WDR4: variants seen among roughly 807,000 people sequenced by gnomAD.
WDR4 encodes the protein WDR4 tRNA N7-guanosine methyltransferase non-catalytic subunit.
Under a neutral mutation model 48.6 loss-of-function variants are expected in WDR4, and 47 were observed. The observed-to-expected ratio is 0.97, with a 90% CI of 0.77 to 1.23. The LOEUF (loss-of-function observed/expected upper bound fraction) is 1.23. Ranked by LOEUF, WDR4 falls within the 50% of genes most tolerant of loss-of-function variation. The pLI is 0.00. For missense variants in WDR4, 606 were observed against 551.6 expected, an observed-to-expected ratio of 1.10 and a Z score of -0.99; for synonymous variants, 268 against 230.0, an observed-to-expected ratio of 1.17 and a Z score of -1.49.
At chr21:42,886,410 T>C in the WDR4 span, among the ~76,000 whole-genome samples, 1 of 152,264 alleles carries the variant, frequency 6.6e-6, no homozygotes, top group African/African-American at 2.4e-5. Flanking sequence ...TAGGCGATTT[T>C]GCTAGTGTAC....
chr21:42,848,333 A>C (rs1040758682), downstream of WDR4, among the ~76,000 whole-genome samples: 63 of 137,954 alleles, frequency 4.6e-4, no homozygotes, highest in Non-Finnish European at 8.4e-4. Flanking sequence ...ACGGTCACGC[A>C]GTGCGCACCT....
chr21:42,865,815 C>A (rs966535858), intron 3 of WDR4, among the ~76,000 whole-genome samples: 2 of 151,952 alleles, frequency 1.3e-5, no homozygotes, highest in Admixed American at 1.3e-4. Context: ...CCAGCAGAAC[C>A]TAGCAAGTAA....
At chr21:42,879,056 T>A (rs914705654) in intron 1 of WDR4, 2 of 1,090,944 alleles carry the variant, frequency 1.8e-6, no homozygotes, top group East Asian at 5.7e-5. Context: ...CCTTGCTGAC[T>A]GGTCAGCGTC....
chr21:42,879,350 G>A (rs2058578600), intron 1 of WDR4, 57 bp downstream of exon 1: 2 of 1,592,644 alleles, frequency 1.3e-6, no homozygotes, highest in Non-Finnish European at 1.7e-6. Flanking sequence ...GGGGTCGCCA[G>A]GACCCGACGC....
intron 1 of WDR4, among the ~76,000 whole-genome samples, chr21:42,877,185 T>C: frequency 7.8e-6 from 1 of 127,704 alleles, no homozygotes; most frequent in South Asian, 2.6e-4. Flanking sequence ...GCTCTATCAC[T>C]CAGGCTGGAG....
intron 1 of WDR4, among the ~76,000 whole-genome samples, chr21:42,878,193 A>G (rs939272811): frequency 6.6e-6 from 1 of 152,200 alleles, no homozygotes; most frequent in Non-Finnish European, 1.5e-5. Flanking sequence ...ACTTACCAAC[A>G]TAAGAATCAC....
intron 2 of WDR4, among the ~76,000 whole-genome samples, chr21:42,876,216 C>CTTTTTTTTTTTT (rs1491253275): frequency 3.3e-4 from 20 of 60,912 alleles, no homozygotes; most frequent in African/African-American, 1.4e-3. Context: ...TAACACTGTA[C>CTTTTTTTTTTTT]TCTTTTTTTT....
At chr21:42,872,431 G>A (rs1473105357) in intron 3 of WDR4, among the ~76,000 whole-genome samples, 2 of 151,694 alleles carry the variant, frequency 1.3e-5, no homozygotes, top group African/African-American at 4.8e-5. Context: ...CCAATGTGGT[G>A]AAACTCTGTC....
At chr21:42,867,026 C>T (rs988964700) in intron 3 of WDR4, among the ~76,000 whole-genome samples, 17 of 152,266 alleles carry the variant, frequency 1.1e-4, no homozygotes, top group African/African-American at 3.9e-4. Flanking sequence ...CATCAAATCA[C>T]ATGGTCCATC....
intron 6 of WDR4, among the ~76,000 whole-genome samples, chr21:42,856,322 G>C (rs370189685): frequency 9.1e-4 from 139 of 152,338 alleles, no homozygotes; most frequent in South Asian, 2.7e-3. Flanking sequence ...GGAACCAAGA[G>C]GCTCCACGCT....
chr21:42,884,244 C>T (rs756945504), upstream of WDR4, among the ~76,000 whole-genome samples: 1 of 152,120 alleles, frequency 6.6e-6, no homozygotes, highest in East Asian at 1.9e-4. Flanking sequence ...TGTGAACATT[C>T]CACTGGGAAT....
intron 3 of WDR4, among the ~76,000 whole-genome samples, chr21:42,868,704 G>A (rs933462913): frequency 1.3e-5 from 2 of 152,230 alleles, no homozygotes; most frequent in South Asian, 4.1e-4. Context: ...GCCACAAGGT[G>A]TCCACTCCAC....
chr21:42,878,559 G>C (rs2058554239), intron 1 of WDR4, among the ~76,000 whole-genome samples: 1 of 152,196 alleles, frequency 6.6e-6, no homozygotes, highest in Non-Finnish European at 1.5e-5. Flanking sequence ...AAAATATACA[G>C]TATATCTGAC....
chr21:42,858,747 T>G (rs2058050257), intron 6 of WDR4, among the ~76,000 whole-genome samples: 1 of 152,118 alleles, frequency 6.6e-6, no homozygotes, highest in South Asian at 2.1e-4. Flanking sequence ...TGGCCACACT[T>G]TTCTTCTTCT....
the WDR4 span, among the ~76,000 whole-genome samples, chr21:42,890,427 T>G: frequency 0.19 from 29,448 of 151,996 alleles, 4,080 homozygotes; most frequent in African/African-American, 0.4. Context: ...TCCCAGCTAC[T>G]CGGGAGGTTG....
At chr21:42,855,495 A>G (rs1335412792) in intron 7 of WDR4, among the ~76,000 whole-genome samples, 187 bp downstream of exon 7, 2 of 152,188 alleles carry the variant, frequency 1.3e-5, no homozygotes, top group Non-Finnish European at 2.9e-5. Flanking sequence ...CAACAGGGAG[A>G]CAAATTATTT....
chr21:42,843,613 G>A (rs1038141887), intron 11 of WDR4, among the ~76,000 whole-genome samples: 21 of 150,792 alleles, frequency 1.4e-4, no homozygotes, highest in Non-Finnish European at 2.8e-4. Flanking sequence ...TTGCTCTGTC[G>A]CCCAGGCTGG....
At chr21:42,879,166 A>G in intron 1 of WDR4, 2 of 1,316,036 alleles carry the variant, frequency 1.5e-6, no homozygotes, top group Non-Finnish European at 1.9e-6. Flanking sequence ...CCAGCCATCT[A>G]GTGCAAGGAG....
Position 42,862,401 on chromosome 21 carries a change from C to G in WDR4, c.454-7G>C, listed in dbSNP as rs1233349323. On this transcript the variant is annotated splice_polypyrimidine_tract_variant and splice_region_variant and intron_variant, in intron 4 of 10. Coordinates refer to ENST00000398208, the MANE Select transcript of WDR4 (RefSeq NM_018669.6). This position sits in a 1 kb window ranked among gnomAD's most constrained non-coding sequence, Gnocchi z 4.3. ...GGTCATCAGGACTCACAGCCTGCAT[C>G]ACCAGGGGCCAGAAAAGAAAAAGCC... The G allele has an allele frequency of 5.0e-6, 8 of 1,593,028 alleles. No homozygotes were observed. The East Asian group carries it at 1.1e-4, about 23-fold the overall frequency.
Sources: allele counts gnomAD v4.1 joint callset (sites outside exome capture counted in the v4.1 genomes callset), GRCh38; gene constraint gnomAD v4.1.1; non-coding constraint Gnocchi (gnomAD v3.1); transcripts MANE v1.5; gene names NCBI Gene and HGNC (gene_info 2026-07-23, HGNC 2026-07-21).